PPL: variants seen among roughly 807,000 people sequenced by gnomAD.
The protein encoded by PPL is 190 kDa paraneoplastic pemphigus antigen.
In PPL, 198 loss-of-function variants were observed where a neutral mutation model predicts 194.4. The observed-to-expected ratio is 1.02, with a 90% CI of 0.91 to 1.15. The LOEUF (loss-of-function observed/expected upper bound fraction) is 1.15, where lower values mean the gene tolerates loss of function less well. Among genes scored for constraint, PPL ranks in the 50% most tolerant of loss-of-function variants. The probability of loss-of-function intolerance (pLI) is 0.00; values close to 1 mark genes in which losing one functional copy is unlikely to be tolerated. For synonymous variants in PPL, 1,220 were observed against 972.4 expected, an observed-to-expected ratio of 1.25 and a Z score of -4.74; for missense variants, 2,885 against 2,294.8, an observed-to-expected ratio of 1.26 and a Z score of -5.25.
intron 1 of PPL, among the ~76,000 whole-genome samples, chr16:4,926,039 C>T (rs2089149034): frequency 6.6e-6 from 1 of 152,220 alleles, no homozygotes; most frequent in Admixed American, 6.5e-5. Flanking sequence ...CCTGTCCCTC[C>T]AAACAGACCT....
At position 4,902,298 on chromosome 16, in the gene PPL, T is replaced by A. The variant is rs1255843492; in HGVS notation, c.438+108A>T. Reference sequence around the variant, plus strand: ...GAAAACCATCAGGACCACGACTGTCTCCCTGGTAAGACCCGGGATGCCCAT... The same window carrying A: ...GAAAACCATCAGGACCACGACTGTCACCCTGGTAAGACCCGGGATGCCCAT... On this transcript the variant is annotated intron_variant, in intron 4 of 21. Transcript: ENST00000345988. This position sits in a 1 kb window ranked among gnomAD's most constrained non-coding sequence, Gnocchi z 4.0. 8.6e-6 allele frequency: 13 copies of A among 1,509,204 alleles called. No homozygotes were observed. The highest frequency in any genetic ancestry group is 1.1e-5 in the Non-Finnish European group (12 of 1,119,648). The allele number at this position is 1,509,204 out of a possible 1,614,324, so 93.5% of individuals were successfully genotyped here.
intron 2 of PPL, among the ~76,000 whole-genome samples, chr16:4,908,969 G>T (rs72633275): frequency 1.3e-5 from 2 of 152,174 alleles, no homozygotes; most frequent in Admixed American, 6.5e-5. Flanking sequence ...AAGAAGGAAA[G>T]AAATCCACCA....
chr16:4,936,384 G>T (rs1239811755), intron 1 of PPL, among the ~76,000 whole-genome samples: 1 of 152,128 alleles, frequency 6.6e-6, no homozygotes, highest in African/African-American at 2.4e-5. Flanking sequence ...GCTCTGGCGC[G>T]CAGGGTGGCA....
chr16:4,891,866 T>C lies in PPL; in HGVS notation c.1913A>G (p.Asp638Gly), dbSNP rs2088325149. 1 of 1,613,556 alleles carries C rather than the reference T, an allele frequency of 6.2e-7. No individual in the cohort carries two copies. The highest frequency in any genetic ancestry group is 8.5e-7 in the Non-Finnish European group (1 of 1,179,996). The change falls in exon 16 of 22, where the codon GAT becomes GGT. Residue 638 changes from aspartate (D) to glycine (G), a missense_variant. Coordinates refer to ENST00000345988, the MANE Select transcript of PPL (RefSeq NM_002705.5). The stretch of plus-strand genomic sequence containing the variant: ...ACGGCTGCTCTCAGGCACTGTGTCA[T>C]CCTGATTCAGATGGTTCTCGTGTGT... ...LATHENHLNQ[D>G]DTVPESSRVL...
rs146493629 is a variant in PPL at position 4,884,288 on chromosome 16, G to A, written c.4367C>T (p.Ala1456Val). The change falls in exon 22 of 22, where the codon GCG becomes GTG. Residue 1456 changes from alanine (A) to valine (V), a missense_variant. Ala to Val is a moderately conservative substitution (Grantham distance 64). Coordinates refer to ENST00000345988, the MANE Select transcript of PPL (RefSeq NM_002705.5). The surrounding 1 kb of genome is among the most constrained non-coding windows in gnomAD (Gnocchi z 5.7). ...GAGTCGGAGCAGGGCATGCTCTCGC[G>A]CCTGCTGCGGGTCCTGCTGCAGCAC... ...KVVLQQDPQQ[A>V]REHALLRLQL... The A allele has an allele frequency of 2.4e-5, 39 of 1,612,554 alleles. No individual in the cohort carries two copies. Among genetic ancestry groups the A allele is most frequent in the South Asian group, 1.4e-4 (13 of 91,050 alleles).
chr16:4,889,235 GTTGTTGTTTTTTTTTT>G (rs2088271662), intron 18 of PPL, among the ~76,000 whole-genome samples, 174 bp from the exon 19 acceptor site: 1 of 18,710 alleles, frequency 5.3e-5, no homozygotes. Context: ...TTTTTTTGTT[GTTGTTGTTTTTTTTTT>G]TTTTTTTTTT....
rs374189293 is a variant in PPL, at chr16:4,899,408, G to A, written c.607-24C>T. On this transcript the variant is annotated intron_variant, in intron 6 of 21. Transcript: ENST00000345988. ...GCCTGAAGGGGCCGGGGCAAGGAAA[G>A]GGCTGCGTCCTCAGCCCGCTGCCAC... The A allele has an allele frequency of 2.7e-4, 422 of 1,587,318 alleles. 1 individual carries two copies. The highest frequency in any genetic ancestry group is 3.0e-4 in the Non-Finnish European group (353 of 1,165,710).
chr16:4,893,681 C>A (rs1310809925), intron 12 of PPL, 43 bp from the exon 13 acceptor site: 1 of 1,497,438 alleles, frequency 6.7e-7, no homozygotes, highest in Non-Finnish European at 9.0e-7. Context: ...CAGCCCACCA[C>A]CCCCTGCACC....
At chr16:4,895,441 C>G (rs2088407759) in intron 10 of PPL, 34 bp from the exon 11 acceptor site, 1 of 1,608,466 alleles carries the variant, frequency 6.2e-7, no homozygotes. Context: ...CCAGGTGAGA[C>G]CAACAGCCTT....
chr16:4,890,320 T>A lies in PPL; in HGVS notation c.2177A>T (p.Gln726Leu). 6.2e-7 allele frequency: 1 copy of A among 1,613,592 alleles called. No individual in the cohort carries two copies. The highest frequency in any genetic ancestry group is 2.2e-5 in the East Asian group (1 of 44,878). ...QQVERRAQSL[Q>L]SAKAAYEHFH... ...GTGCTCGTAGGCTGCCTTGGCGCTC[T>A]GTAGGCTCTGCGCCCTGTCAAGGCA... Residue 726 changes from glutamine (Q) to leucine (L), a missense_variant, in exon 18 of 22, where the codon CAG becomes CTG. Physicochemically the swap from Gln to Leu is moderately radical, Grantham distance 113 (BLOSUM62 -2). Transcript: ENST00000345988.
chr16:4,926,293 T>C (rs1038713246), intron 1 of PPL, among the ~76,000 whole-genome samples: 10 of 152,316 alleles, frequency 6.6e-5, no homozygotes, highest in Admixed American at 4.6e-4. Context: ...TATTCAGTAA[T>C]TGCCAAATAA....
Position 4,883,776 on chromosome 16 carries a change from T to C in PPL, c.4879A>G (p.Lys1627Glu), listed in dbSNP as rs965476013. 1.2e-6 allele frequency: 2 copies of C among 1,614,006 alleles called. No homozygotes were observed. The highest frequency in any genetic ancestry group is 2.7e-5 in the African/African-American group (2 of 74,928). ...TCGTCGATCTCGAGGTCTTTGTCCT[T>C]GGAGAGCCTCTTGAGGTCATCCAGT... ...RELDDLKRLS[K>E]DKDLEIDELQ... The change falls in exon 22 of 22, where the codon AAG becomes GAG. Residue 1627 changes from lysine to glutamate, a missense_variant. Physicochemically the swap from Lys to Glu is moderately conservative, Grantham distance 56 (BLOSUM62 1). Transcript: ENST00000345988. The surrounding 1 kb of genome is among the most constrained non-coding windows in gnomAD (Gnocchi z 4.8).
chr16:4,912,206 C>T (rs1277165711), intron 1 of PPL, among the ~76,000 whole-genome samples: 1 of 152,246 alleles, frequency 6.6e-6, no homozygotes, highest in Non-Finnish European at 1.5e-5. Context: ...CTGTCACTCC[C>T]TATTCCCCAC....
At chr16:4,899,595 A>T (rs1193513655) in intron 6 of PPL, among the ~76,000 whole-genome samples, 3 of 151,678 alleles carry the variant, frequency 2.0e-5, no homozygotes, top group African/African-American at 7.3e-5. Context: ...TCATTCATTC[A>T]TTCATTCAGT....
intron 12 of PPL, 71 bp downstream of exon 12, chr16:4,894,396 G>A (rs2088378616): frequency 1.3e-6 from 2 of 1,566,196 alleles, no homozygotes; most frequent in Admixed American, 1.8e-5. Flanking sequence ...AATCCCCGGG[G>A]CTATGAATGG....
intron 1 of PPL, among the ~76,000 whole-genome samples, chr16:4,919,223 C>G (rs917111825): frequency 6.6e-6 from 1 of 152,188 alleles, no homozygotes; most frequent in Non-Finnish European, 1.5e-5. Flanking sequence ...TCCAGCCCCA[C>G]CTGCTCATTA....
rs746093967 is a variant in PPL, at chr16:4,883,714, C to T, written c.4941G>A (p.Arg1647=). The T allele has an allele frequency of 4.3e-6, 7 of 1,613,922 alleles. No individual in the cohort carries two copies. The highest frequency in any genetic ancestry group is 2.7e-5 in the African/African-American group (2 of 74,928). ...GCCGCAGGTGGTTCTCCCGCTGCTC[C>T]CGCTTGACGGCCACGGAGCCCAGGC... The part of the protein sequence containing the change: ...QKRLGSVAVK[R]EQRENHLRRS... Residue 1647 remains arginine (R), a synonymous_variant, in exon 22 of 22, where the codon CGG becomes CGA. Transcript: ENST00000345988. This position sits in a 1 kb window ranked among gnomAD's most constrained non-coding sequence, Gnocchi z 4.8.
chr16:4,907,476 G>T (rs1399748519), intron 2 of PPL, among the ~76,000 whole-genome samples: 1 of 152,084 alleles, frequency 6.6e-6, no homozygotes, highest in African/African-American at 2.4e-5. Context: ...GTGATGCAGT[G>T]TATGATTCTG....
rs186224223 is a variant in PPL at position 4,892,035 on chromosome 16, T to C, written c.1829A>G (p.Lys610Arg). The C allele has an allele frequency of 2.0e-5, 33 of 1,612,914 alleles. No homozygotes were observed. The highest frequency in any genetic ancestry group is 1.8e-4 in the East Asian group (8 of 44,856). ...LLQLLDLAQEKVDVANRLEKS... is the reference protein window; with the variant it reads ...LLQLLDLAQERVDVANRLEKS... ...TCCATGCTGCCTGTCTGCCACCCAC[T>C]TCTCCTGGGCCAAGTCCAGCAGCTG... is the stretch of plus-strand genomic sequence containing the variant. Residue 610 changes from lysine to arginine, a missense_variant and splice_region_variant, in exon 15 of 22, where the codon AAG becomes AGG. Lys to Arg is a conservative substitution (Grantham distance 26). Transcript: ENST00000345988.
Sources: gnomAD v4.1 joint callset for allele counts (sites outside exome capture counted in the v4.1 genomes callset) on GRCh38, gnomAD v4.1.1 for gene constraint, Gnocchi (gnomAD v3.1) non-coding constraint, MANE v1.5 for transcripts, NCBI Gene and HGNC (gene_info 2026-07-23, HGNC 2026-07-21) for gene names.